Variants in TBL1XR1 observed in about 807,000 individuals in gnomAD.
The protein encoded by TBL1XR1 is F-box-like/WD repeat-containing protein TBL1XR1.
TBL1XR1 carries 5 observed loss-of-function variants against 66.9 expected under a neutral mutation model. That is an observed-to-expected ratio of 0.07 (90% CI 0.04 to 0.16). The LOEUF (loss-of-function observed/expected upper bound fraction) is 0.16. Among genes scored for constraint, TBL1XR1 ranks in the 10% least tolerant of loss-of-function variants. The pLI, the probability that TBL1XR1 is intolerant of heterozygous loss-of-function variation, is 1.00. For synonymous variants in TBL1XR1, 210 were observed against 206.0 expected, an observed-to-expected ratio of 1.02 and a Z score of -0.17; for missense variants, 238 against 623.2, an observed-to-expected ratio of 0.38 and a Z score of 6.58.
intron 1 of TBL1XR1, among the ~76,000 whole-genome samples, chr3:177,104,129 AAG>A (rs1553844013): frequency 4.2e-5 from 6 of 141,214 alleles, no homozygotes; most frequent in African/African-American, 1.6e-4. Context: ...AAAAAAAAAA[AAG>A]AGAGAGAGAG....
intron 1 of TBL1XR1, among the ~76,000 whole-genome samples, chr3:177,112,100 T>TAC (rs1725691427): frequency 3.3e-4 from 18 of 55,194 alleles, no homozygotes; most frequent in African/African-American, 2.2e-3. Flanking sequence ...TATATATATA[T>TAC]ATATATATTT....
At chr3:177,054,981 A>G (rs965158681) in intron 3 of TBL1XR1, among the ~76,000 whole-genome samples, 7 of 152,352 alleles carry the variant, frequency 4.6e-5, no homozygotes, top group Admixed American at 1.3e-4. Flanking sequence ...TGAAATATTA[A>G]TCACCATTTA....
intron 2 of TBL1XR1, among the ~76,000 whole-genome samples, chr3:177,082,718 C>A (rs1721552990): frequency 2.7e-5 from 2 of 75,462 alleles, no homozygotes; most frequent in Non-Finnish European, 2.7e-5. Flanking sequence ...CAGACTATTA[C>A]TAAATTTCTA....
chr3:177,066,643 G>C (rs753637303), intron 2 of TBL1XR1, among the ~76,000 whole-genome samples: 100 of 152,332 alleles, frequency 6.6e-4, no homozygotes, highest in Non-Finnish European at 1.3e-3. Flanking sequence ...GAATTAGGGA[G>C]CCAAATTAGG....
intron 1 of TBL1XR1, among the ~76,000 whole-genome samples, chr3:177,178,883 C>T (rs1734466729): frequency 6.6e-6 from 1 of 151,978 alleles, no homozygotes; most frequent in Admixed American, 6.6e-5. Context: ...TTTGGGAGGC[C>T]GAGGCTGGTG....
At chr3:177,200,751 A>T (rs1374608366), upstream of TBL1XR1, among the ~76,000 whole-genome samples, 1 of 152,220 alleles carries the variant, frequency 6.6e-6, no homozygotes, top group Non-Finnish European at 1.5e-5. Flanking sequence ...CACGCCTGTA[A>T]TCCTAGCATT....
chr3:177,127,613 C>T (rs766829741), intron 1 of TBL1XR1, among the ~76,000 whole-genome samples: 3 of 152,154 alleles, frequency 2.0e-5, no homozygotes, highest in Non-Finnish European at 2.9e-5. Context: ...AGCTGCAGAT[C>T]AAGTCCTAAG....
chr3:177,135,307 C>CTGTGTGTG lies in TBL1XR1; in HGVS notation c.-121-36774_-121-36767dup, dbSNP rs376418228. On this transcript the variant is annotated intron_variant, in intron 1 of 15. Coordinates refer to ENST00000457928, the MANE Select transcript of TBL1XR1 (RefSeq NM_024665.7). ...GTGAGCCACCGCACAAGGCCGCACT[C>CTGTGTGTG]TGTGTGTGTGTGTGTGTGTGTGTGT... Among the ~76,000 whole-genome samples, 16 of 72,592 alleles carry CTGTGTGTG rather than the reference C, an allele frequency of 2.2e-4. 2 individuals are homozygous for CTGTGTGTG. Among genetic ancestry groups the CTGTGTGTG allele is most frequent in the South Asian group, 5.1e-4 (1 of 1,972 alleles). 47.6% of individuals were successfully genotyped at this position (72,592 alleles called of 152,430 possible).
chr3:177,192,579 T>C (rs1004460317), intron 1 of TBL1XR1, among the ~76,000 whole-genome samples: 1 of 152,078 alleles, frequency 6.6e-6, no homozygotes, highest in East Asian at 1.9e-4. Context: ...CCACAACTTT[T>C]TAAGAGTAAA....
At chr3:177,132,090 G>A (rs993900110) in intron 1 of TBL1XR1, among the ~76,000 whole-genome samples, 5 of 152,192 alleles carry the variant, frequency 3.3e-5, no homozygotes, top group African/African-American at 9.7e-5. Flanking sequence ...GCTATGGCCT[G>A]TCTGTACCGG....
At chr3:177,128,357 T>A (rs977247341) in intron 1 of TBL1XR1, among the ~76,000 whole-genome samples, 1 of 152,248 alleles carries the variant, frequency 6.6e-6, no homozygotes, top group South Asian at 2.1e-4. Flanking sequence ...ATATAACTTA[T>A]GACACAGAGA....
At chr3:177,119,048 T>C (rs1395336171) in intron 1 of TBL1XR1, among the ~76,000 whole-genome samples, 2 of 151,482 alleles carry the variant, frequency 1.3e-5, no homozygotes. Context: ...CTCGGTTCAC[T>C]GTAACCTCCG....
intron 1 of TBL1XR1, among the ~76,000 whole-genome samples, chr3:177,101,605 GC>G (rs1724222111): frequency 6.6e-6 from 1 of 152,276 alleles, no homozygotes; most frequent in Admixed American, 6.5e-5. Flanking sequence ...GCCATGTGAT[GC>G]CCTCCAACAT....
intron 1 of TBL1XR1, among the ~76,000 whole-genome samples, chr3:177,119,067 G>A (rs1040677904): frequency 2.0e-5 from 3 of 152,110 alleles, no homozygotes; most frequent in Non-Finnish European, 4.4e-5. Context: ...CGCCTCCTAC[G>A]TTCAAGCACT....
intron 1 of TBL1XR1, among the ~76,000 whole-genome samples, chr3:177,107,784 C>T (rs190814917): frequency 6.6e-6 from 1 of 152,170 alleles, no homozygotes; most frequent in Admixed American, 6.5e-5. Context: ...GCCCAGCACC[C>T]AAGTTACGAT....
At chr3:177,181,153 T>C (rs913253269) in intron 1 of TBL1XR1, among the ~76,000 whole-genome samples, 18 of 152,082 alleles carry the variant, frequency 1.2e-4, no homozygotes, top group African/African-American at 4.1e-4. Context: ...ACTCTGAACC[T>C]CCTCTATTCT....
At chr3:177,129,709 A>AG (rs1728056768) in intron 1 of TBL1XR1, among the ~76,000 whole-genome samples, 1 of 151,940 alleles carries the variant, frequency 6.6e-6, no homozygotes. Flanking sequence ...TTAAAAAAAA[A>AG]GTACAAGATA....
At chr3:177,110,025 A>AT (rs994228019) in intron 1 of TBL1XR1, among the ~76,000 whole-genome samples, 3 of 152,000 alleles carry the variant, frequency 2.0e-5, no homozygotes, top group Admixed American at 1.3e-4. Context: ...AGTTACTCTA[A>AT]TTTTTTCTCT....
chr3:177,168,291 T>A (rs1733065050), intron 1 of TBL1XR1, among the ~76,000 whole-genome samples: 1 of 152,016 alleles, frequency 6.6e-6, no homozygotes, highest in Non-Finnish European at 1.5e-5. Flanking sequence ...ACCTTTTTTT[T>A]TTTTTTTGAG....
Sources: allele counts gnomAD v4.1 joint callset (sites outside exome capture counted in the v4.1 genomes callset), GRCh38; gene constraint gnomAD v4.1.1; transcripts MANE v1.5; gene names NCBI Gene and HGNC (gene_info 2026-07-23, HGNC 2026-07-21).